MED13L: variants seen among roughly 807,000 people sequenced by gnomAD.
The protein encoded by MED13L is mediator of RNA polymerase II transcription subunit 13-like.
In MED13L, 7 loss-of-function variants were observed where a neutral mutation model predicts 220.9. That is an observed-to-expected ratio of 0.03 (90% CI 0.02 to 0.06). The LOEUF (loss-of-function observed/expected upper bound fraction) is 0.06, where lower values mean the gene tolerates loss of function less well. Among genes scored for constraint, MED13L ranks in the 10% least tolerant of loss-of-function variants. The probability of loss-of-function intolerance (pLI) is 1.00; values close to 1 mark genes in which losing one functional copy is unlikely to be tolerated. For synonymous variants in MED13L, 1,011 were observed against 1,015.2 expected (o/e 1.00, Z 0.08); for missense variants, 1,965 against 2,760.5 (o/e 0.71, Z 6.46).
chr12:116,055,299 T>A (rs56213432), intron 4 of MED13L, among the ~76,000 whole-genome samples: 37,493 of 152,138 alleles, frequency 0.25, 4,759 homozygotes, highest in Middle Eastern at 0.32. Flanking sequence ...AACATCTTAA[T>A]TGTATATTTC....
At chr12:115,973,444 T>C (rs756946005) in intron 25 of MED13L, among the ~76,000 whole-genome samples, 10 of 152,200 alleles carry the variant, frequency 6.6e-5, no homozygotes, top group African/African-American at 9.7e-5. Context: ...TTTCTTTCAA[T>C]CTTTTGATGG....
chr12:115,966,672 A>C (rs1022454184), intron 28 of MED13L, among the ~76,000 whole-genome samples: 2 of 152,200 alleles, frequency 1.3e-5, no homozygotes, highest in African/African-American at 4.8e-5. Context: ...GCACAGCACA[A>C]AAGTTCCTGA....
At chr12:116,115,372 C>T (rs1006618520) in intron 2 of MED13L, among the ~76,000 whole-genome samples, 5 of 151,754 alleles carry the variant, frequency 3.3e-5, no homozygotes, top group African/African-American at 7.3e-5. Context: ...CAGACCTGAA[C>T]GCAAAACCTA....
At chr12:115,999,686 A>G (rs1203136691) in intron 14 of MED13L, among the ~76,000 whole-genome samples, 1 of 152,164 alleles carries the variant, frequency 6.6e-6, no homozygotes. Flanking sequence ...TTTGCAAAAA[A>G]AAAAAAATAG....
rs3764954 is a variant in MED13L at position 116,012,659 on chromosome 12, A to G, written c.1280+138T>C. On this transcript the variant is annotated intron_variant, in intron 9 of 30. Coordinates refer to ENST00000281928, the MANE Select transcript of MED13L (RefSeq NM_015335.5). ...CAATAAAACTGTATCATCTGCATAT[A>G]AGAAAAAAACTAATCTTTTTCTTCT... The G allele has an allele frequency of 0.11, 81,520 of 740,864 alleles. 5,045 individuals are homozygous for G. Among genetic ancestry groups the G allele is most frequent in the East Asian group, 0.2 (7,663 of 38,648 alleles). The allele number at this position is 740,864 out of a possible 1,614,324, so 45.9% of individuals were successfully genotyped here. A position where few individuals can be genotyped will look rare whatever the true frequency, so the allele number is the denominator to read the frequency against.
intron 4 of MED13L, among the ~76,000 whole-genome samples, chr12:116,078,813 A>G (rs978898774): frequency 2.0e-5 from 3 of 152,220 alleles, no homozygotes; most frequent in Non-Finnish European, 4.4e-5. Context: ...AAATTGTCTA[A>G]GAATATAAAA....
At chr12:116,010,089 G>A (rs1156779718) in intron 9 of MED13L, among the ~76,000 whole-genome samples, 1 of 152,196 alleles carries the variant, frequency 6.6e-6, no homozygotes, top group African/African-American at 2.4e-5. Flanking sequence ...GGCATAATGG[G>A]ATGGTTTAGT....
intron 2 of MED13L, among the ~76,000 whole-genome samples, chr12:116,208,751 A>C (rs957786281): frequency 6.6e-6 from 1 of 152,212 alleles, no homozygotes; most frequent in African/African-American, 2.4e-5. Flanking sequence ...ACACTGCTTG[A>C]GGCTGGGAGT....
At chr12:116,152,080 C>G (rs756985023) in intron 2 of MED13L, among the ~76,000 whole-genome samples, 3 of 152,104 alleles carry the variant, frequency 2.0e-5, no homozygotes, top group Non-Finnish European at 4.4e-5. Flanking sequence ...TTTGCAGGCT[C>G]TATCCTACAT....
intron 2 of MED13L, among the ~76,000 whole-genome samples, chr12:116,165,763 G>T (rs1879218021): frequency 6.6e-6 from 1 of 152,090 alleles, no homozygotes; most frequent in African/African-American, 2.4e-5. Context: ...CTTAAAATAT[G>T]TAACATGGAT....
chr12:116,275,952 A>G lies in MED13L; in HGVS notation c.72+1108T>C, dbSNP rs184870982. Among the ~76,000 whole-genome samples, 482 of 152,364 alleles carry G rather than the reference A, an allele frequency of 3.2e-3. 3 individuals are homozygous for G. Among genetic ancestry groups the G allele is most frequent in the Middle Eastern group, 0.014 (4 of 294 alleles). On this transcript the variant is annotated intron_variant, in intron 1 of 30. Coordinates refer to ENST00000281928, the MANE Select transcript of MED13L (RefSeq NM_015335.5). ...ATACAGTAACTCATGCACAAAGCAC[A>G]TATTTAAAGACCACGCACTGCAATT...
Position 115,959,870 on chromosome 12 carries a change from G to A in MED13L, c.*1396C>T, listed in dbSNP as rs1350961371. 1 of 152,366 alleles carries A rather than the reference G, an allele frequency of 6.6e-6. No homozygotes were observed. The highest frequency in any genetic ancestry group is 1.5e-5 in the Non-Finnish European group (1 of 67,988). 9.4% of individuals were successfully genotyped at this position (152,366 alleles called of 1,614,324 possible). On this transcript the variant is annotated 3_prime_UTR_variant, in exon 31 of 31. Transcript: ENST00000281928. ...AATAACCAGGACATGGAAGTCTCTT[G>A]GAAGAACTTTTAAAATTTGCATGAT... is the stretch of plus-strand genomic sequence containing the variant.
chr12:115,978,605 G>C (rs543520638), intron 23 of MED13L, among the ~76,000 whole-genome samples: 1 of 152,196 alleles, frequency 6.6e-6, no homozygotes, highest in South Asian at 2.1e-4. Context: ...GGGATTATAG[G>C]CATGAGCCAC....
chr12:116,275,048 T>C (rs926489562), intron 1 of MED13L, among the ~76,000 whole-genome samples: 14 of 151,220 alleles, frequency 9.3e-5, no homozygotes, highest in South Asian at 2.1e-4. Flanking sequence ...GCTATACATA[T>C]ACTTTCATTT....
At chr12:116,034,083 T>C (rs937911587) in intron 4 of MED13L, among the ~76,000 whole-genome samples, 34 of 152,042 alleles carry the variant, frequency 2.2e-4, no homozygotes, top group Non-Finnish European at 1.0e-4. Context: ...CTAACCCCTA[T>C]TTATATTTTC....
chr12:115,962,632 G>A (rs950991252), intron 30 of MED13L: 3 of 152,182 alleles, frequency 2.0e-5, no homozygotes, highest in Non-Finnish European at 2.9e-5. Flanking sequence ...ATTAGAAAAG[G>A]CCTGTATATT....
chr12:116,155,202 T>C (rs1193841929), intron 2 of MED13L, among the ~76,000 whole-genome samples: 1 of 152,062 alleles, frequency 6.6e-6, no homozygotes, highest in Non-Finnish European at 1.5e-5. Context: ...GGCGGGAGGA[T>C]TACTTGAGTC....
chr12:116,176,103 T>C (rs1345783999), intron 2 of MED13L, among the ~76,000 whole-genome samples: 1 of 152,086 alleles, frequency 6.6e-6, no homozygotes, highest in Non-Finnish European at 1.5e-5. Flanking sequence ...GGAATAAAAC[T>C]GGATAAGGAC....
intron 4 of MED13L, among the ~76,000 whole-genome samples, chr12:116,060,383 G>C (rs1021925844): frequency 6.6e-6 from 1 of 151,966 alleles, no homozygotes; most frequent in Non-Finnish European, 1.5e-5. Flanking sequence ...TTTGAGACCA[G>C]CCTGGGCAAC....
Sources: allele counts gnomAD v4.1 joint callset (sites outside exome capture counted in the v4.1 genomes callset), GRCh38; gene constraint gnomAD v4.1.1; transcripts MANE v1.5; gene names NCBI Gene and HGNC (gene_info 2026-07-23, HGNC 2026-07-21).